GRM8: variants seen among roughly 807,000 people sequenced by gnomAD.
GRM8 encodes the protein glutamate metabotropic receptor 8, also known as metabotropic glutamate receptor 8.
In GRM8, 47 loss-of-function variants were observed where a neutral mutation model predicts 87.2. The observed-to-expected ratio is 0.54, with a 90% CI of 0.43 to 0.69. The LOEUF (loss-of-function observed/expected upper bound fraction) is 0.69. Among genes scored for constraint, GRM8 ranks in the 30% least tolerant of loss-of-function variants. The pLI is 0.00. For missense variants in GRM8, 1,019 were observed against 1,139.2 expected (o/e 0.89, Z 1.52); for synonymous variants, 396 against 404.5 (o/e 0.98, Z 0.25).
chr7:127,191,497 G>T (rs1216518980), intron 2 of GRM8, among the ~76,000 whole-genome samples: 3 of 152,096 alleles, frequency 2.0e-5, no homozygotes, highest in Non-Finnish European at 2.9e-5. Context: ...TGTTGCTGAA[G>T]ACCAGGACCT....
intron 3 of GRM8, among the ~76,000 whole-genome samples, chr7:127,072,058 T>C (rs929757753): frequency 2.0e-5 from 3 of 149,794 alleles, no homozygotes; most frequent in Admixed American, 6.7e-5. Context: ...CCGCTCTTCT[T>C]CCCACCGAGA....
intron 9 of GRM8, chr7:126,512,569 A>AT (rs1244559516): frequency 6.6e-6 from 1 of 152,214 alleles, no homozygotes; most frequent in Non-Finnish European, 1.5e-5. Context: ...ACTCTGCCTG[A>AT]TGCCCCCAGC....
At chr7:127,088,550 T>C (rs890683091) in intron 3 of GRM8, among the ~76,000 whole-genome samples, 17 of 152,212 alleles carry the variant, frequency 1.1e-4, no homozygotes, top group African/African-American at 4.1e-4. Flanking sequence ...GTAACTGAAT[T>C]TAACATATGT....
At chr7:126,585,513 A>C (rs1796020800) in intron 8 of GRM8, among the ~76,000 whole-genome samples, 1 of 152,216 alleles carries the variant, frequency 6.6e-6, no homozygotes, top group Admixed American at 6.5e-5. Context: ...TAGTTGCCTG[A>C]GTTTAAAAAA....
chr7:127,220,050 A>G (rs1195837220), intron 2 of GRM8, among the ~76,000 whole-genome samples: 1 of 152,210 alleles, frequency 6.6e-6, no homozygotes, highest in Non-Finnish European at 1.5e-5. Context: ...TCAGCAAGAG[A>G]AACTGAGCAA....
At chr7:126,591,486 C>A (rs1362141103) in intron 8 of GRM8, among the ~76,000 whole-genome samples, 1 of 151,938 alleles carries the variant, frequency 6.6e-6, no homozygotes, top group Non-Finnish European at 1.5e-5. Context: ...AGAAAGTCAA[C>A]AAAGAAACAA....
intron 6 of GRM8, among the ~76,000 whole-genome samples, chr7:126,851,513 T>C (rs1194759119): frequency 6.6e-6 from 1 of 152,200 alleles, no homozygotes; most frequent in Non-Finnish European, 1.5e-5. Flanking sequence ...ATCTTCTATC[T>C]GACCTCATCT....
chr7:126,654,877 C>T (rs894541236), intron 7 of GRM8, among the ~76,000 whole-genome samples: 24 of 151,996 alleles, frequency 1.6e-4, no homozygotes, highest in Non-Finnish European at 2.6e-4. Context: ...GAATTTAAAA[C>T]AGGAGTGAAA....
intron 9 of GRM8, among the ~76,000 whole-genome samples, chr7:126,528,374 AT>A (rs1814243538): frequency 1.3e-5 from 2 of 152,160 alleles, no homozygotes; most frequent in South Asian, 4.1e-4. Flanking sequence ...TTAAACAAAT[AT>A]TTTTTAAAGA....
At chr7:127,108,893 T>C (rs1826069737) in intron 2 of GRM8, among the ~76,000 whole-genome samples, 3 of 152,212 alleles carry the variant, frequency 2.0e-5, no homozygotes, top group Admixed American at 1.3e-4. Flanking sequence ...CATTTGTATT[T>C]TTATTTTTTC....
At chr7:126,902,407 G>A (rs991258600) in intron 6 of GRM8, 135 bp downstream of exon 6, 1 of 715,154 alleles carries the variant, frequency 1.4e-6, no homozygotes, top group Non-Finnish European at 2.2e-6. Context: ...GCTCAGCCCT[G>A]AGACACTATA....
chr7:126,826,081 T>C lies in GRM8; in HGVS notation c.1157-56016A>G, dbSNP rs973588401. On this transcript the variant is annotated intron_variant, in intron 6 of 10. Coordinates refer to ENST00000339582, the MANE Select transcript of GRM8 (RefSeq NM_000845.3). ...TTTTTTATGGCTGCATAGTGTTCCA[T>C]TGTGTATATGTGCCACATTTTCTTA... Among the ~76,000 whole-genome samples, 130 of 152,322 alleles carry C rather than the reference T, an allele frequency of 8.5e-4. 1 individual carries two copies. Among genetic ancestry groups the C allele is most frequent in the Non-Finnish European group, 1.4e-3 (92 of 68,042 alleles).
intron 6 of GRM8, among the ~76,000 whole-genome samples, chr7:126,801,450 CA>C (rs1822674829): frequency 1.5e-5 from 1 of 67,396 alleles, no homozygotes; most frequent in East Asian, 2.2e-4. Flanking sequence ...ATATCAGAAA[CA>C]ACAAGTTTAA....
chr7:126,596,135 C>G (rs1468721713), intron 8 of GRM8, among the ~76,000 whole-genome samples: 2 of 152,042 alleles, frequency 1.3e-5, no homozygotes, highest in East Asian at 3.9e-4. Context: ...AACAAAAACC[C>G]CAAAAACCAA....
chr7:127,014,964 G>C (rs1251448531), intron 3 of GRM8, among the ~76,000 whole-genome samples: 1 of 141,346 alleles, frequency 7.1e-6, no homozygotes, highest in Non-Finnish European at 1.5e-5. Context: ...AGAAGAAGAA[G>C]AAGAGGAAGA....
At chr7:126,809,998 C>T (rs1793136466) in intron 6 of GRM8, among the ~76,000 whole-genome samples, 1 of 152,092 alleles carries the variant, frequency 6.6e-6, no homozygotes, top group Non-Finnish European at 1.5e-5. Flanking sequence ...AAGGACATAA[C>T]ATTTCAAAAA....
intron 9 of GRM8, among the ~76,000 whole-genome samples, chr7:126,461,495 T>C (rs1022260395): frequency 2.6e-5 from 4 of 151,654 alleles, no homozygotes; most frequent in Non-Finnish European, 5.9e-5. Context: ...ATTTCTTCAA[T>C]TCATATTCCT....
intron 9 of GRM8, among the ~76,000 whole-genome samples, chr7:126,449,265 C>T (rs13240504): frequency 0.13 from 20,168 of 151,744 alleles, 1,460 homozygotes; most frequent in Admixed American, 0.17. Flanking sequence ...CAATCTAAAC[C>T]AATCAATCTT....
intron 2 of GRM8, among the ~76,000 whole-genome samples, chr7:127,146,886 T>C (rs1205397731): frequency 6.6e-6 from 1 of 152,026 alleles, no homozygotes; most frequent in Non-Finnish European, 1.5e-5. Context: ...AGATGACCCC[T>C]GTCACCTCTT....
Sources: allele counts gnomAD v4.1 joint callset (sites outside exome capture counted in the v4.1 genomes callset), GRCh38; gene constraint gnomAD v4.1.1; transcripts MANE v1.5; gene names NCBI Gene and HGNC (gene_info 2026-07-23, HGNC 2026-07-21).